CDH13: variants seen among roughly 807,000 people sequenced by gnomAD.
CDH13 encodes cadherin-13.
A neutral mutation model predicts 63.8 loss-of-function variants in CDH13; 24 were observed. The ratio of observed to expected loss-of-function variants is 0.38; its 90% CI spans 0.27 to 0.53. CDH13 has a LOEUF of 0.53. CDH13 is among the 20% of genes least tolerant of loss of function. CDH13 has a pLI of 0.85. For synonymous variants in CDH13, 503 were observed against 355.3 expected, an observed-to-expected ratio of 1.42 and a Z score of -4.67; for missense variants, 1,049 against 903.1, an observed-to-expected ratio of 1.16 and a Z score of -2.07.
At chr16:82,959,497 C>G (rs184643498) in intron 2 of CDH13, among the ~76,000 whole-genome samples, 55 of 152,320 alleles carry the variant, frequency 3.6e-4, no homozygotes, top group African/African-American at 1.3e-3. Context: ...CTCCCAGTTT[C>G]TAGAGGCTCA....
intron 6 of CDH13, among the ~76,000 whole-genome samples, chr16:83,381,876 T>G (rs11642369): frequency 7.9e-5 from 12 of 152,264 alleles, no homozygotes; most frequent in African/African-American, 2.6e-4. Context: ...TTCACAAGTA[T>G]AAAATCATAT....
intron 10 of CDH13, 131 bp from the exon 11 acceptor site, chr16:83,747,977 A>G: frequency 1.1e-6 from 1 of 936,922 alleles, no homozygotes. Flanking sequence ...CAACTGTAAC[A>G]GAAATGATGG....
chr16:83,760,444 G>T (rs1256177728), intron 11 of CDH13, among the ~76,000 whole-genome samples: 1 of 152,196 alleles, frequency 6.6e-6, no homozygotes, highest in Non-Finnish European at 1.5e-5. Flanking sequence ...TTATCCAGAT[G>T]CCCAGCAAAA....
chr16:83,512,542 C>A (rs2074597004), intron 7 of CDH13, among the ~76,000 whole-genome samples: 1 of 150,706 alleles, frequency 6.6e-6, no homozygotes. Context: ...GTGGCATGCG[C>A]CTGTAGTCCC....
intron 2 of CDH13, among the ~76,000 whole-genome samples, chr16:83,004,313 A>G (rs1913252550): frequency 6.6e-6 from 1 of 152,226 alleles, no homozygotes; most frequent in Admixed American, 6.5e-5. Context: ...CTTTGAATTC[A>G]CAAAACACTA....
At chr16:82,823,183 C>A (rs2038085113) in intron 1 of CDH13, 2 of 152,204 alleles carry the variant, frequency 1.3e-5, no homozygotes. Flanking sequence ...ACAGTGTCAC[C>A]TTTGCCACAT....
At chr16:82,916,837 T>C (rs766850658) in intron 2 of CDH13, among the ~76,000 whole-genome samples, 1 of 152,214 alleles carries the variant, frequency 6.6e-6, no homozygotes, top group Non-Finnish European at 1.5e-5. Context: ...GTGGAATATA[T>C]AGCATTTGTA....
At chr16:82,977,854 A>G (rs893690632) in intron 2 of CDH13, among the ~76,000 whole-genome samples, 1 of 152,228 alleles carries the variant, frequency 6.6e-6, no homozygotes, top group East Asian at 1.9e-4. Flanking sequence ...GGAACTTCCT[A>G]GAGACCTGGA....
chr16:83,566,276 A>T (rs1372537445), intron 7 of CDH13, among the ~76,000 whole-genome samples: 2 of 152,150 alleles, frequency 1.3e-5, no homozygotes, highest in Non-Finnish European at 2.9e-5. Context: ...GGAAGGAAGG[A>T]CTGTTCTTCC....
intron 8 of CDH13, among the ~76,000 whole-genome samples, chr16:83,667,227 G>A (rs1218339139): frequency 6.6e-6 from 1 of 152,120 alleles, no homozygotes; most frequent in South Asian, 2.1e-4. Context: ...TAGCACATCA[G>A]CCCCTTTCCA....
At chr16:82,968,025 C>G (rs1230525828) in intron 2 of CDH13, among the ~76,000 whole-genome samples, 2 of 152,228 alleles carry the variant, frequency 1.3e-5, no homozygotes, top group African/African-American at 2.4e-5. Context: ...TGGCGATTCT[C>G]TAATGGCATG....
intron 6 of CDH13, among the ~76,000 whole-genome samples, chr16:83,448,015 C>G (rs1004754394): frequency 6.6e-6 from 1 of 152,020 alleles, no homozygotes; most frequent in Non-Finnish European, 1.5e-5. Flanking sequence ...TAGGAACTTG[C>G]CTGGAGCAGG....
chr16:83,185,140 G>A (rs1266273483), intron 4 of CDH13, among the ~76,000 whole-genome samples: 1 of 152,200 alleles, frequency 6.6e-6, no homozygotes, highest in Admixed American at 6.5e-5. Context: ...GGGTCCTACA[G>A]CTGGTCGTGG....
intron 8 of CDH13, among the ~76,000 whole-genome samples, chr16:83,634,693 A>C (rs1289530894): frequency 1.3e-5 from 2 of 152,042 alleles, no homozygotes; most frequent in African/African-American, 4.8e-5. Context: ...GAGCTACCAC[A>C]CCTGGCTGAG....
chr16:83,505,576 T>C (rs1293634770), intron 7 of CDH13, among the ~76,000 whole-genome samples: 1 of 142,720 alleles, frequency 7.0e-6, no homozygotes, highest in Non-Finnish European at 1.5e-5. Flanking sequence ...GAGTTTTTGC[T>C]CTTGTTGCCC....
At chr16:83,485,890 C>G (rs899491708) in intron 6 of CDH13, among the ~76,000 whole-genome samples, 4 of 152,106 alleles carry the variant, frequency 2.6e-5, no homozygotes, top group South Asian at 2.1e-4. Flanking sequence ...ATCTTGTAAT[C>G]CCAGCACCCT....
chr16:83,105,730 C>G (rs892095174), intron 3 of CDH13, among the ~76,000 whole-genome samples: 1 of 152,104 alleles, frequency 6.6e-6, no homozygotes, highest in Admixed American at 6.6e-5. Flanking sequence ...TTGATAGAAA[C>G]CACCCCCAAA....
chr16:83,239,201 A>G (rs1904293766), intron 5 of CDH13, among the ~76,000 whole-genome samples: 2 of 152,286 alleles, frequency 1.3e-5, no homozygotes, highest in Non-Finnish European at 2.9e-5. Flanking sequence ...TGAGAGATCA[A>G]CAGTAGTTCA....
intron 2 of CDH13, among the ~76,000 whole-genome samples, chr16:83,024,494 G>A (rs533814873): frequency 1.3e-5 from 2 of 152,264 alleles, no homozygotes; most frequent in African/African-American, 2.4e-5. Flanking sequence ...CCTCAGGAGT[G>A]TGGGCTCTAG....
Sources: gnomAD v4.1 joint callset for allele counts (sites outside exome capture counted in the v4.1 genomes callset) on GRCh38, gnomAD v4.1.1 for gene constraint, MANE v1.5 for transcripts, NCBI Gene and HGNC (gene_info 2026-07-23, HGNC 2026-07-21) for gene names.